The following RASL12 variants were observed in gnomAD, a reference collection of about 807,000 sequenced individuals.
The protein encoded by RASL12 is ras-like protein family member 12.
Under a neutral mutation model 22.9 loss-of-function variants are expected in RASL12, and 16 were observed. The ratio of observed to expected loss-of-function variants is 0.70; its 90% CI spans 0.47 to 1.06. The LOEUF (loss-of-function observed/expected upper bound fraction) is 1.06, where lower values mean the gene tolerates loss of function less well. RASL12 is among the 50% of genes least tolerant of loss of function. The probability of loss-of-function intolerance (pLI) is 0.00; values close to 1 mark genes in which losing one functional copy is unlikely to be tolerated. For missense variants in RASL12, 306 were observed against 353.1 expected, an observed-to-expected ratio of 0.87 and a Z score of 1.07; for synonymous variants, 159 against 152.2, an observed-to-expected ratio of 1.04 and a Z score of -0.33.
At chr15:65,049,929 A>G, downstream of RASL12, 1 of 1,186,420 alleles carries the variant, frequency 8.4e-7, no homozygotes, top group Non-Finnish European at 1.2e-6. Context: ...CAGGGGCCAG[A>G]ACCGAGGAGG....
chr15:65,067,379 A>G (rs1292027547), intron 1 of RASL12, among the ~76,000 whole-genome samples: 2 of 151,990 alleles, frequency 1.3e-5, no homozygotes, highest in African/African-American at 4.8e-5. Context: ...GGGGGTTGGA[A>G]GGTTGGTGGC....
upstream of RASL12, among the ~76,000 whole-genome samples, chr15:65,071,734 A>G (rs186140933): frequency 1.7e-4 from 26 of 152,118 alleles, 1 homozygote; most frequent in East Asian, 5.1e-3. Flanking sequence ...TGTGTCTGCC[A>G]GTTACTAGGT....
At chr15:65,046,838 G>A in the RASL12 span, among the ~76,000 whole-genome samples, 21 of 151,414 alleles carry the variant, frequency 1.4e-4, no homozygotes, top group Non-Finnish European at 2.9e-4. Flanking sequence ...GCCTGTGCCC[G>A]GGAGATGGAG....
At chr15:65,049,549 A>T (rs2086621944), downstream of RASL12, 1 of 152,930 alleles carries the variant, frequency 6.5e-6, no homozygotes, top group African/African-American at 2.4e-5. Context: ...CCCAAGGGAC[A>T]AGTTGCTATG....
At chr15:65,047,787 TC>T in the RASL12 span, among the ~76,000 whole-genome samples, 2 of 126,760 alleles carry the variant, frequency 1.6e-5, no homozygotes, top group African/African-American at 3.0e-5. Flanking sequence ...GACAGATAGA[TC>T]GATAGATGAT....
the RASL12 span, among the ~76,000 whole-genome samples, chr15:65,047,985 C>T: frequency 1.3e-5 from 2 of 151,984 alleles, no homozygotes; most frequent in Non-Finnish European, 2.9e-5. Context: ...TCAAGACCAG[C>T]CTGGGAAACA....
downstream of RASL12, chr15:65,051,584 G>A (rs373603839): frequency 9.9e-5 from 160 of 1,613,492 alleles, no homozygotes; most frequent in Non-Finnish European, 1.3e-4. Flanking sequence ...GTCCTCCTGG[G>A]AAGAAGCATC....
At position 65,067,981 on chromosome 15, in the gene RASL12, T is replaced by C; in HGVS notation, c.-146A>G. 5.1e-6 allele frequency: 6 copies of C among 1,167,034 alleles called. No homozygotes were observed. The highest frequency in any genetic ancestry group is 6.3e-6 in the Non-Finnish European group (6 of 946,768). The allele number at this position is 1,167,034 out of a possible 1,614,324, so 72.3% of individuals were successfully genotyped here. A position where few individuals can be genotyped will look rare whatever the true frequency, so the allele number is the denominator to read the frequency against. ...CGGCGTCCGCGCCCTCGGCCCCGCG[T>C]CCAGCGGGCTGCCACCCCGCGGGGA... On this transcript the variant is annotated 5_prime_UTR_variant, in exon 1 of 5. Transcript: ENST00000220062.
At chr15:65,062,268 C>G (rs1290565776) in intron 2 of RASL12, among the ~76,000 whole-genome samples, 1 of 152,156 alleles carries the variant, frequency 6.6e-6, no homozygotes, top group East Asian at 1.9e-4. Context: ...CACTGAATCT[C>G]TCAGCTACTA....
intron 2 of RASL12, among the ~76,000 whole-genome samples, chr15:65,061,501 CT>C (rs2086804340): frequency 6.6e-6 from 1 of 152,148 alleles, no homozygotes; most frequent in African/African-American, 2.4e-5. Context: ...GAGTGAGGGG[CT>C]CCTTTCCCAG....
intron 2 of RASL12, 68 bp downstream of exon 2, chr15:65,065,149 G>A (rs1469268398): frequency 1.3e-6 from 2 of 1,497,930 alleles, no homozygotes; most frequent in Admixed American, 3.7e-5. Context: ...CCCACCCACG[G>A]GGTGGGTCCC....
chr15:65,068,374 T>G, upstream of RASL12: 1 of 780,036 alleles, frequency 1.3e-6, no homozygotes, highest in Non-Finnish European at 1.6e-6. This position sits in a 1 kb window ranked among gnomAD's most constrained non-coding sequence, Gnocchi z 4.2. Flanking sequence ...CTGGGTTCAA[T>G]TCCAAGCCTT....
chr15:65,053,002 A>G (rs201580924), downstream of RASL12: 12 of 1,612,074 alleles, frequency 7.4e-6, no homozygotes, highest in South Asian at 1.1e-4. Flanking sequence ...AAGAAACTCC[A>G]GAAGTCCTGC....
In RASL12 at chr15:65,053,469, C is replaced by T. The variant is rs560158501; in HGVS notation, c.*1430G>A. The stretch of plus-strand genomic sequence containing the variant: ...TGGCCTGGAGCAAAAGTGCAAAATC[C>T]GTAGCTGGCCTGTGGGTCGGGAAGC... On this transcript the variant is annotated 3_prime_UTR_variant, in exon 5 of 5. Transcript: ENST00000220062. The T allele has an allele frequency of 8.7e-5, 100 of 1,154,230 alleles. No homozygotes were observed. The highest frequency in any genetic ancestry group is 5.5e-4 in the Admixed American group (12 of 21,956). The allele number at this position is 1,154,230 out of a possible 1,614,324, so 71.5% of individuals were successfully genotyped here.
chr15:65,050,833 C>CTTTTT (rs67418433), downstream of RASL12, among the ~76,000 whole-genome samples: 30 of 88,554 alleles, frequency 3.4e-4, no homozygotes, highest in African/African-American at 5.0e-4. Flanking sequence ...TCTTCTTCTT[C>CTTTTT]TTCTTTTTTT....
At chr15:65,052,070 A>T (rs2086661004), downstream of RASL12, among the ~76,000 whole-genome samples, 1 of 152,178 alleles carries the variant, frequency 6.6e-6, no homozygotes, top group Admixed American at 6.5e-5. Flanking sequence ...ACCAATCTGG[A>T]GAGAGGACAG....
chr15:65,067,850 C>A lies in RASL12; in HGVS notation c.-15G>T. 6.7e-7 allele frequency: 1 copy of A among 1,501,776 alleles called. No homozygotes were observed. Among genetic ancestry groups the A allele is most frequent in the Non-Finnish European group, 8.8e-7 (1 of 1,130,416 alleles). 93.0% of individuals were successfully genotyped at this position (1,501,776 alleles called of 1,614,324 possible). ...ACCGAGGACATGGCGACGCCCTGGA[C>A]GGCCACGCAGGTCTGCGGCCGGTGG... On this transcript the variant is annotated 5_prime_UTR_variant, in exon 1 of 5. Transcript: ENST00000220062.
At chr15:65,059,547 A>G in intron 2 of RASL12, 129 bp from the exon 3 acceptor site, 1 of 708,542 alleles carries the variant, frequency 1.4e-6, no homozygotes, top group East Asian at 2.7e-5. Context: ...ACCACTGGAA[A>G]GTCCTTGGTT....
chr15:65,057,187 A>T (rs111321854), intron 4 of RASL12, among the ~76,000 whole-genome samples: 45 of 152,078 alleles, frequency 3.0e-4, no homozygotes, highest in African/African-American at 1.0e-3. Flanking sequence ...GGCCCATCTG[A>T]CCCGTTCTAA....
Sources: allele counts gnomAD v4.1 joint callset (sites outside exome capture counted in the v4.1 genomes callset), GRCh38; gene constraint gnomAD v4.1.1; non-coding constraint Gnocchi (gnomAD v3.1); transcripts MANE v1.5; gene names NCBI Gene and HGNC (gene_info 2026-07-23, HGNC 2026-07-21).